MACROD2: variants seen among roughly 807,000 people sequenced by gnomAD.
MACROD2 encodes ADP-ribose glycohydrolase MACROD2.
MACROD2 carries 36 observed loss-of-function variants against 70.4 expected under a neutral mutation model. The observed-to-expected ratio is 0.51, with a 90% confidence interval of 0.39 to 0.68. MACROD2 has a LOEUF of 0.68. MACROD2 is among the 30% of genes least tolerant of loss of function. The probability of loss-of-function intolerance (pLI) is 0.00; values close to 1 mark genes in which losing one functional copy is unlikely to be tolerated. For synonymous variants in MACROD2, 172 were observed against 178.8 expected, an observed-to-expected ratio of 0.96 and a Z score of 0.30; for missense variants, 496 against 538.4, an observed-to-expected ratio of 0.92 and a Z score of 0.78.
chr20:14,343,623 T>A (rs1568569462), intron 3 of MACROD2, among the ~76,000 whole-genome samples: 1 of 152,224 alleles, frequency 6.6e-6, no homozygotes, highest in Admixed American at 6.5e-5. Context: ...TGAAACAATT[T>A]GAGAAATGCT....
intron 7 of MACROD2, among the ~76,000 whole-genome samples, chr20:15,469,473 C>G (rs113312103): frequency 1.6e-4 from 25 of 152,218 alleles, no homozygotes; most frequent in African/African-American, 6.0e-4. Context: ...TACGGAGGGC[C>G]TGGGATCCAC....
At chr20:15,843,810 A>G (rs749066154) in intron 8 of MACROD2, among the ~76,000 whole-genome samples, 26 of 152,326 alleles carry the variant, frequency 1.7e-4, no homozygotes, top group Middle Eastern at 3.4e-3. Context: ...AGAAACGTGT[A>G]ATTAACATCT....
chr20:15,033,881 A>G (rs749648149), intron 5 of MACROD2, among the ~76,000 whole-genome samples: 10 of 152,216 alleles, frequency 6.6e-5, no homozygotes, highest in Non-Finnish European at 7.4e-5. Flanking sequence ...ACAAGGGAGT[A>G]TTGCAGTTAA....
At chr20:15,972,339 A>G (rs1156801430) in intron 13 of MACROD2, among the ~76,000 whole-genome samples, 2 of 152,208 alleles carry the variant, frequency 1.3e-5, no homozygotes, top group Non-Finnish European at 2.9e-5. Flanking sequence ...AAATGTTTCA[A>G]TGTGATGAAA....
chr20:15,425,411 G>A (rs2046284430), intron 6 of MACROD2, among the ~76,000 whole-genome samples: 2 of 152,144 alleles, frequency 1.3e-5, no homozygotes, highest in Non-Finnish European at 1.5e-5. Flanking sequence ...GGTCCACAAA[G>A]TAACACAAAA....
intron 8 of MACROD2, among the ~76,000 whole-genome samples, chr20:15,609,187 A>G (rs1210226503): frequency 6.6e-6 from 1 of 152,170 alleles, no homozygotes; most frequent in Non-Finnish European, 1.5e-5. Flanking sequence ...GAGCTTATTA[A>G]TTACACTCCC....
intron 3 of MACROD2, among the ~76,000 whole-genome samples, chr20:14,269,529 TAAG>T (rs1409731443): frequency 2.0e-5 from 3 of 152,150 alleles, no homozygotes; most frequent in South Asian, 2.1e-4. Context: ...GCAACATAAA[TAAG>T]AAGTATTTTG....
intron 5 of MACROD2, among the ~76,000 whole-genome samples, chr20:14,743,830 T>C (rs2071764661): frequency 6.6e-6 from 1 of 152,144 alleles, no homozygotes; most frequent in African/African-American, 2.4e-5. Flanking sequence ...TCTTGAATTG[T>C]CTAGGTAGAA....
chr20:14,475,243 A>G (rs1356505613), intron 3 of MACROD2, among the ~76,000 whole-genome samples: 2 of 152,154 alleles, frequency 1.3e-5, no homozygotes, highest in African/African-American at 4.8e-5. Context: ...AAAAAACCCC[A>G]GTATACTTTA....
chr20:15,562,734 A>G (rs928642162), intron 8 of MACROD2, among the ~76,000 whole-genome samples: 2 of 152,344 alleles, frequency 1.3e-5, no homozygotes, highest in South Asian at 2.1e-4. Context: ...CTGAAGTCCA[A>G]TTGACATTTT....
chr20:14,277,689 T>C (rs989982321), intron 3 of MACROD2, among the ~76,000 whole-genome samples: 1 of 151,882 alleles, frequency 6.6e-6, no homozygotes, highest in Non-Finnish European at 1.5e-5. Flanking sequence ...TGCCAGGCAT[T>C]GTACTCTTAA....
chr20:14,890,758 G>A (rs1265217760), intron 5 of MACROD2, among the ~76,000 whole-genome samples: 34 of 135,930 alleles, frequency 2.5e-4, no homozygotes, highest in East Asian at 4.2e-4. Context: ...TCCAAAAACA[G>A]AAAAAAAAAA....
intron 5 of MACROD2, among the ~76,000 whole-genome samples, chr20:15,057,876 C>T (rs532330450): frequency 1.1e-4 from 17 of 152,248 alleles, no homozygotes; most frequent in Admixed American, 5.9e-4. Context: ...CTGCCCCTTA[C>T]GTTTTATTCA....
At chr20:14,749,835 A>G (rs2071847137) in intron 5 of MACROD2, among the ~76,000 whole-genome samples, 1 of 152,138 alleles carries the variant, frequency 6.6e-6, no homozygotes. Flanking sequence ...AAATTTTATT[A>G]GGGAAAGATT....
chr20:15,752,696 G>A (rs2051290713), intron 8 of MACROD2, among the ~76,000 whole-genome samples: 2 of 152,082 alleles, frequency 1.3e-5, no homozygotes, highest in South Asian at 4.1e-4. Context: ...ACCCCTCTGT[G>A]ATGTGATATT....
chr20:15,978,570 G>T (rs949105554), intron 13 of MACROD2, among the ~76,000 whole-genome samples: 2 of 147,644 alleles, frequency 1.4e-5, no homozygotes, highest in African/African-American at 5.1e-5. Flanking sequence ...AAACTTACTC[G>T]CCTGACCTTG....
At chr20:14,806,947 G>T (rs866423603) in intron 5 of MACROD2, among the ~76,000 whole-genome samples, 9 of 152,248 alleles carry the variant, frequency 5.9e-5, no homozygotes, top group Middle Eastern at 3.4e-3. Context: ...CCAGCCAGGG[G>T]CTTATAGATA....
chr20:14,134,801 C>CA (rs5840594), intron 3 of MACROD2, among the ~76,000 whole-genome samples: 53,892 of 98,154 alleles, frequency 0.55, 17,104 homozygotes, highest in South Asian at 0.64. Flanking sequence ...GACTCCGTGT[C>CA]AAAAAAAAAA....
chr20:14,395,425 A>G (rs959580222), intron 3 of MACROD2, among the ~76,000 whole-genome samples: 1 of 152,052 alleles, frequency 6.6e-6, no homozygotes, highest in African/African-American at 2.4e-5. Flanking sequence ...AACATATGTA[A>G]TCTGTTAAAA....
Sources: gnomAD v4.1 joint callset for allele counts (sites outside exome capture counted in the v4.1 genomes callset) on GRCh38, gnomAD v4.1.1 for gene constraint, MANE v1.5 for transcripts, NCBI Gene and HGNC (gene_info 2026-07-23, HGNC 2026-07-21) for gene names.